The following NUP98 variants were observed in gnomAD, a reference collection of about 807,000 sequenced individuals.
NUP98 encodes the protein nucleoporin 98 and 96 precursor, also known as nuclear pore complex protein Nup98-Nup96.
Under a neutral mutation model 191.9 loss-of-function variants are expected in NUP98, and 26 were observed. The observed-to-expected ratio is 0.14, with a 90% CI of 0.10 to 0.19. The LOEUF (loss-of-function observed/expected upper bound fraction) is 0.19, where lower values mean the gene tolerates loss of function less well. NUP98 is among the 10% of genes least tolerant of loss of function. The pLI, the probability that NUP98 is intolerant of heterozygous loss-of-function variation, is 1.00. For synonymous variants in NUP98, 808 were observed against 778.4 expected, an observed-to-expected ratio of 1.04 and a Z score of -0.63; for missense variants, 1,941 against 2,178.8, an observed-to-expected ratio of 0.89 and a Z score of 2.17.
At chr11:3,680,739 G>C (rs1300534006) in intron 30 of NUP98, among the ~76,000 whole-genome samples, 2 of 151,970 alleles carry the variant, frequency 1.3e-5, no homozygotes, top group African/African-American at 4.8e-5. Flanking sequence ...GTACAGATGG[G>C]GTTTCACCAT....
At chr11:3,792,680 A>G (rs1384330844) in intron 1 of NUP98, among the ~76,000 whole-genome samples, 3 of 152,092 alleles carry the variant, frequency 2.0e-5, no homozygotes, top group Non-Finnish European at 4.4e-5. Context: ...TAAATCAATA[A>G]TTTCAAAATC....
At chr11:3,738,835 T>C (rs1406494050) in intron 12 of NUP98, among the ~76,000 whole-genome samples, 3 of 148,846 alleles carry the variant, frequency 2.0e-5, no homozygotes, top group African/African-American at 7.4e-5. Context: ...ACTAGACTGG[T>C]TTTGCTTAGC....
At chr11:3,723,085 T>G in intron 16 of NUP98, 72 bp downstream of exon 16, 1 of 1,425,090 alleles carries the variant, frequency 7.0e-7, no homozygotes. Context: ...TTCCATATGT[T>G]GAATATCTGC....
chr11:3,722,687 G>A (rs986444327), intron 16 of NUP98, among the ~76,000 whole-genome samples: 5 of 152,048 alleles, frequency 3.3e-5, no homozygotes, highest in Non-Finnish European at 7.4e-5. Flanking sequence ...GTGGTATCAT[G>A]TGCCTGTAGT....
At chr11:3,780,541 CAAAAAAAAAAA>C (rs142060672) in intron 2 of NUP98, among the ~76,000 whole-genome samples, 1 of 74,800 alleles carries the variant, frequency 1.3e-5, no homozygotes, top group African/African-American at 5.1e-5. Flanking sequence ...GACTCCATCT[CAAAAAAAAAAA>C]AAAAAAAAAA....
At chr11:3,735,419 A>C (rs2080011183) in intron 12 of NUP98, 95 bp from the exon 13 acceptor site, 2 of 635,822 alleles carry the variant, frequency 3.1e-6, no homozygotes. Flanking sequence ...TTCTTTTTGA[A>C]GAAGTGGTCT....
intron 10 of NUP98, among the ~76,000 whole-genome samples, chr11:3,756,906 T>A (rs533429811): frequency 6.7e-6 from 1 of 149,872 alleles, no homozygotes; most frequent in Non-Finnish European, 1.5e-5. Context: ...GCTAACATGG[T>A]GAAACCCCGT....
intron 20 of NUP98, chr11:3,712,241 GCATGAACCCA>G: frequency 8.9e-7 from 1 of 1,119,972 alleles, no homozygotes; most frequent in Non-Finnish European, 1.1e-6. Flanking sequence ...AATTTACTGT[GCATGAACCCA>G]CATGAGCAAA....
chr11:3,746,870 G>A (rs1480662420), intron 11 of NUP98, among the ~76,000 whole-genome samples: 1 of 149,942 alleles, frequency 6.7e-6, no homozygotes, highest in African/African-American at 2.5e-5. Flanking sequence ...CCGAGATCAT[G>A]CCATTGCACT....
chr11:3,771,608 T>A (rs2081534728), intron 7 of NUP98, 140 bp downstream of exon 7: 1 of 686,404 alleles, frequency 1.5e-6, no homozygotes, highest in Non-Finnish European at 2.4e-6. Context: ...CCCACATACA[T>A]CCAGGCATTC....
chr11:3,758,715 G>A (rs572124151), intron 10 of NUP98, among the ~76,000 whole-genome samples: 24 of 152,268 alleles, frequency 1.6e-4, no homozygotes, highest in African/African-American at 5.8e-4. Flanking sequence ...AACCAGGGAG[G>A]TGGAGGTTGC....
intron 20 of NUP98, among the ~76,000 whole-genome samples, chr11:3,708,949 T>C (rs961808181): frequency 6.6e-6 from 1 of 152,180 alleles, no homozygotes; most frequent in Admixed American, 6.5e-5. Context: ...ATTATATCTG[T>C]AAAATGATTG....
In NUP98 at chr11:3,774,922, C is replaced by T. The variant is rs544376772; in HGVS notation, c.495+960G>A. Reference sequence around the variant, plus strand: ...TAGTACTATGAATTAACCAATTTACCTGACAAATTCTTCATTTTCTGGAGT... The same window carrying T: ...TAGTACTATGAATTAACCAATTTACTTGACAAATTCTTCATTTTCTGGAGT... On this transcript the variant is annotated intron_variant, in intron 5 of 32. Transcript: ENST00000324932. 5.3e-5 allele frequency among the ~76,000 whole-genome samples: 8 copies of T among 152,230 alleles called. No homozygotes were observed. The East Asian group carries it at 1.2e-3, about 22-fold the overall frequency.
chr11:3,791,873 A>G (rs1185983160), intron 1 of NUP98, among the ~76,000 whole-genome samples: 1 of 151,262 alleles, frequency 6.6e-6, no homozygotes, highest in Admixed American at 6.6e-5. Context: ...TGATACAAAA[A>G]TTACAACTAC....
rs914260777 is a variant in NUP98 at position 3,751,620 on chromosome 11, A to G, written c.1267+1696T>C. Among the ~76,000 whole-genome samples the G allele has an allele frequency of 4.6e-5, 7 of 152,232 alleles. No individual in the cohort carries two copies. The East Asian group carries it at 1.4e-3, about 29-fold the overall frequency. Reference sequence around the variant, plus strand: ...ATGCCTATATTCCCAGCACTTTAAGAGCTCAAGGCAGGAGGATGGCTTCAG... The same window carrying G: ...ATGCCTATATTCCCAGCACTTTAAGGGCTCAAGGCAGGAGGATGGCTTCAG... On this transcript the variant is annotated intron_variant, in intron 11 of 32. Transcript: ENST00000324932.
intron 25 of NUP98, chr11:3,697,048 A>G (rs2078531730): frequency 6.6e-6 from 1 of 152,068 alleles, no homozygotes; most frequent in Non-Finnish European, 1.5e-5. Flanking sequence ...TTAATGATTC[A>G]TAATAAGTTC....
At chr11:3,679,228 C>T (rs1393401682) in intron 31 of NUP98, among the ~76,000 whole-genome samples, 1 of 152,024 alleles carries the variant, frequency 6.6e-6, no homozygotes, top group African/African-American at 2.4e-5. Flanking sequence ...TCCTCACCCT[C>T]ACCAAATCTC....
intron 9 of NUP98, among the ~76,000 whole-genome samples, chr11:3,761,005 CTT>C (rs2081146357): frequency 6.6e-6 from 1 of 152,146 alleles, no homozygotes; most frequent in Non-Finnish European, 1.5e-5. Context: ...ACAAGAAAAA[CTT>C]TGAACATGCT....
chr11:3,751,789 G>A (rs567566441), intron 11 of NUP98, among the ~76,000 whole-genome samples: 9 of 152,126 alleles, frequency 5.9e-5, no homozygotes, highest in Admixed American at 5.2e-4. Flanking sequence ...AGCCTGGGAG[G>A]TAGAGGTTGC....
Sources: allele counts gnomAD v4.1 joint callset (sites outside exome capture counted in the v4.1 genomes callset), GRCh38; gene constraint gnomAD v4.1.1; transcripts MANE v1.5; gene names NCBI Gene and HGNC (gene_info 2026-07-23, HGNC 2026-07-21).